ASTN2: variants seen among roughly 807,000 people sequenced by gnomAD.
ASTN2 encodes astrotactin 2.
Under a neutral mutation model 139.8 loss-of-function variants are expected in ASTN2, and 54 were observed. The ratio of observed to expected loss-of-function variants is 0.39; its 90% CI spans 0.31 to 0.48. ASTN2 has a LOEUF of 0.48. Ranked by LOEUF, ASTN2 falls within the 20% of genes least tolerant of loss-of-function variation. The pLI is 0.95. For synonymous variants in ASTN2, 756 were observed against 719.5 expected, an observed-to-expected ratio of 1.05 and a Z score of -0.81; for missense variants, 1,565 against 1,725.1, an observed-to-expected ratio of 0.91 and a Z score of 1.64.
chr9:117,329,180 C>CT (rs749880987), intron 1 of ASTN2, among the ~76,000 whole-genome samples: 7,061 of 82,640 alleles, frequency 0.085, 259 homozygotes, highest in African/African-American at 0.15. Flanking sequence ...CTTCCAAGTT[C>CT]TTTTTTTTTT....
At chr9:116,874,057 C>T (rs1289125970) in intron 10 of ASTN2, among the ~76,000 whole-genome samples, 1 of 152,132 alleles carries the variant, frequency 6.6e-6, no homozygotes, top group Non-Finnish European at 1.5e-5. Flanking sequence ...AAGAAATGTA[C>T]ACACTCAGAT....
intron 7 of ASTN2, among the ~76,000 whole-genome samples, chr9:116,999,553 T>C (rs1415704280): frequency 0.028 from 1,428 of 51,204 alleles, 94 homozygotes; most frequent in African/African-American, 0.071. Flanking sequence ...TCTTTCTTTT[T>C]TTTTTTTTTT....
chr9:117,244,497 T>C (rs749108865), intron 2 of ASTN2, among the ~76,000 whole-genome samples: 5 of 150,198 alleles, frequency 3.3e-5, no homozygotes, highest in Non-Finnish European at 7.4e-5. Flanking sequence ...AGTCTAAGGA[T>C]GATCCACATG....
intron 1 of ASTN2, among the ~76,000 whole-genome samples, chr9:117,339,143 A>G (rs1318448878): frequency 6.6e-6 from 1 of 152,064 alleles, no homozygotes; most frequent in African/African-American, 2.4e-5. Context: ...AACACCATCA[A>G]ACCCCCAATT....
At position 116,954,648 on chromosome 9, in the gene ASTN2, A is replaced by G. The variant is rs571862509; in HGVS notation, c.1889+20560T>C. Among the ~76,000 whole-genome samples the G allele has an allele frequency of 5.0e-5, 7 of 139,554 alleles. No homozygotes were observed. In the South Asian group the frequency reaches 1.5e-3, roughly 30 times the overall value. The allele number at this position is 139,554 out of a possible 152,430, so 91.6% of individuals were successfully genotyped here. On this transcript the variant is annotated intron_variant, in intron 10 of 22. Coordinates refer to ENST00000313400, the MANE Select transcript of ASTN2 (RefSeq NM_001365068.1). ...AACAAATGGATGTAACTATGTTCCA[A>G]TAAAACTTTATTTATTAAAAAAAAA...
chr9:117,363,776 G>A (rs1159856016), intron 1 of ASTN2, among the ~76,000 whole-genome samples: 3 of 152,106 alleles, frequency 2.0e-5, no homozygotes, highest in Non-Finnish European at 2.9e-5. Flanking sequence ...GGTGGGACAG[G>A]TAAGTTGAAC....
intron 10 of ASTN2, among the ~76,000 whole-genome samples, chr9:116,949,684 C>T (rs1050571581): frequency 2.6e-5 from 4 of 152,128 alleles, no homozygotes; most frequent in South Asian, 2.1e-4. Flanking sequence ...CTAGGAAAAA[C>T]AATAATGAAG....
intron 1 of ASTN2, among the ~76,000 whole-genome samples, chr9:117,308,353 C>A (rs1020626569): frequency 6.6e-5 from 10 of 152,186 alleles, no homozygotes; most frequent in African/African-American, 2.4e-4. Context: ...GCTCAACACA[C>A]CCTCGAGGGA....
intron 2 of ASTN2, among the ~76,000 whole-genome samples, chr9:117,283,126 G>A (rs1349344852): frequency 4.6e-5 from 7 of 152,048 alleles, no homozygotes; most frequent in South Asian, 4.2e-4. Flanking sequence ...TTCTATAGCC[G>A]GTATGTGGAA....
In ASTN2 at chr9:117,133,850, G is replaced by A. The variant is rs149146123; in HGVS notation, c.1168+7476C>T. 6.8e-3 allele frequency among the ~76,000 whole-genome samples: 1,032 copies of A among 152,164 alleles called. 10 individuals are homozygous for A. The highest frequency in any genetic ancestry group is 0.023 in the African/African-American group (973 of 41,530). On this transcript the variant is annotated intron_variant, in intron 4 of 22. Coordinates refer to ENST00000313400, the MANE Select transcript of ASTN2 (RefSeq NM_001365068.1). ...TATTGGCAATGGGAAAGAGGAAGAA[G>A]TTCAAGCTGCAAAAAGCGCATAGAG...
intron 12 of ASTN2, among the ~76,000 whole-genome samples, chr9:116,808,472 A>C (rs1216278913): frequency 6.6e-6 from 1 of 152,218 alleles, no homozygotes; most frequent in African/African-American, 2.4e-5. Context: ...AATTTCTTGG[A>C]GATCTTTTCA....
chr9:116,835,333 T>G lies in ASTN2; in HGVS notation c.2041-14550A>C, dbSNP rs1188235955. ...AGACAAGGAAGAAAAGGCAAAATACTTTATCCCAAAACACGTTTCTTGACA... is the reference window on the plus strand; with the variant it reads ...AGACAAGGAAGAAAAGGCAAAATACGTTATCCCAAAACACGTTTCTTGACA... On this transcript the variant is annotated intron_variant, in intron 11 of 22. Transcript: ENST00000313400. 6.1e-5 allele frequency among the ~76,000 whole-genome samples: 9 copies of G among 146,556 alleles called. No homozygotes were observed. In the East Asian group the frequency reaches 1.8e-3, roughly 29 times the overall value.
At chr9:117,132,791 G>A (rs190785607) in intron 4 of ASTN2, among the ~76,000 whole-genome samples, 69 of 152,240 alleles carry the variant, frequency 4.5e-4, no homozygotes, top group Admixed American at 2.3e-3. Flanking sequence ...GAGACTGAGG[G>A]AAAAGGTTTC....
At position 116,698,266 on chromosome 9, in the gene ASTN2, A is replaced by T. The variant is rs777911858; in HGVS notation, c.2806+27505T>A. On this transcript the variant is annotated intron_variant, in intron 16 of 22. Transcript: ENST00000313400. This position sits in a 1 kb window ranked among gnomAD's most constrained non-coding sequence, Gnocchi z 4.4. ...AAGGCAGCCTTGGAAGGTGTCTCCAAGGACCTTCAGGCAAGGTATAAAGCA... is the reference window on the plus strand; with the variant it reads ...AAGGCAGCCTTGGAAGGTGTCTCCATGGACCTTCAGGCAAGGTATAAAGCA... 1 of 1,614,062 alleles carries T rather than the reference A, an allele frequency of 6.2e-7. No homozygotes were observed. The highest frequency in any genetic ancestry group is 8.5e-7 in the Non-Finnish European group (1 of 1,180,052).
intron 16 of ASTN2, among the ~76,000 whole-genome samples, chr9:116,669,302 A>AGAG (rs1859050797): frequency 2.0e-5 from 3 of 152,208 alleles, no homozygotes; most frequent in Non-Finnish European, 1.5e-5. Flanking sequence ...CTTTGGACAC[A>AGAG]CTGCCTATGG....
At chr9:117,100,537 GTC>G (rs1204842782) in intron 4 of ASTN2, among the ~76,000 whole-genome samples, 1 of 152,150 alleles carries the variant, frequency 6.6e-6, no homozygotes, top group Non-Finnish European at 1.5e-5. Flanking sequence ...TTTTTCATAA[GTC>G]TTCAAAACCC....
chr9:117,001,514 T>C (rs1188964002), intron 7 of ASTN2, among the ~76,000 whole-genome samples: 1 of 152,088 alleles, frequency 6.6e-6, no homozygotes. Flanking sequence ...TCATATTACC[T>C]TCCCAACCTC....
intron 2 of ASTN2, among the ~76,000 whole-genome samples, chr9:117,224,321 T>C (rs942827130): frequency 6.6e-6 from 1 of 152,234 alleles, no homozygotes; most frequent in Non-Finnish European, 1.5e-5. Context: ...TAAATGCGAT[T>C]GCAGTGTATA....
intron 7 of ASTN2, among the ~76,000 whole-genome samples, chr9:117,007,176 G>A (rs1468385153): frequency 2.0e-5 from 3 of 152,166 alleles, no homozygotes; most frequent in South Asian, 2.1e-4. Flanking sequence ...CATCTTCTCA[G>A]AGAGGCCTCC....
Sources: gnomAD v4.1 joint callset for allele counts (sites outside exome capture counted in the v4.1 genomes callset) on GRCh38, gnomAD v4.1.1 for gene constraint, Gnocchi (gnomAD v3.1) non-coding constraint, MANE v1.5 for transcripts, NCBI Gene and HGNC (gene_info 2026-07-23, HGNC 2026-07-21) for gene names.